Variants in WDR70 observed in about 807,000 individuals in gnomAD.
WDR70 encodes the protein WD repeat domain 70.
A neutral mutation model predicts 88.6 loss-of-function variants in WDR70; 53 were observed. The observed-to-expected ratio is 0.60, with a 90% CI of 0.48 to 0.75. The LOEUF (loss-of-function observed/expected upper bound fraction) is 0.75, where lower values mean the gene tolerates loss of function less well. WDR70 is among the 30% of genes least tolerant of loss of function. The pLI, the probability that WDR70 is intolerant of heterozygous loss-of-function variation, is 0.00. For synonymous variants in WDR70, 280 were observed against 270.0 expected, an observed-to-expected ratio of 1.04 and a Z score of -0.36; for missense variants, 610 against 823.2, an observed-to-expected ratio of 0.74 and a Z score of 3.17.
At position 37,708,379 on chromosome 5, in the gene WDR70, A is replaced by G. The variant is rs185929142; in HGVS notation, c.1416+5292A>G. 3.3e-4 allele frequency among the ~76,000 whole-genome samples: 50 copies of G among 152,002 alleles called. 1 individual carries two copies. The East Asian group carries it at 9.5e-3, about 29-fold the overall frequency. ...GTGCTAACATTTTCAAGTTGATTGA[A>G]AAGGCCTGGTGTGGTATAAATGTTA... On this transcript the variant is annotated intron_variant, in intron 13 of 17. Transcript: ENST00000265107.
At chr5:37,568,369 G>A (rs550137029) in intron 9 of WDR70, among the ~76,000 whole-genome samples, 23 of 152,246 alleles carry the variant, frequency 1.5e-4, no homozygotes, top group Admixed American at 3.9e-4. Flanking sequence ...TCTAACTTTG[G>A]TTTAGCCCCT....
At chr5:37,715,371 AG>A (rs1747625725) in intron 13 of WDR70, among the ~76,000 whole-genome samples, 2 of 150,564 alleles carry the variant, frequency 1.3e-5, no homozygotes, top group East Asian at 3.9e-4. Context: ...AGTTGCCACA[AG>A]TCTGGCCCAT....
intron 10 of WDR70, among the ~76,000 whole-genome samples, chr5:37,627,053 T>A (rs1324630692): frequency 6.6e-6 from 1 of 152,142 alleles, no homozygotes; most frequent in Non-Finnish European, 1.5e-5. Context: ...ATTTTGTTTA[T>A]CTTCTCAAAG....
intron 3 of WDR70, among the ~76,000 whole-genome samples, chr5:37,382,737 G>T (rs1411770596): frequency 6.6e-6 from 1 of 151,758 alleles, no homozygotes; most frequent in Non-Finnish European, 1.5e-5. Flanking sequence ...AATGGGCCAG[G>T]TGTAATGGCT....
intron 12 of WDR70, 124 bp downstream of exon 12, chr5:37,701,266 C>CA: frequency 1.6e-6 from 1 of 616,626 alleles, no homozygotes; most frequent in Non-Finnish European, 2.7e-6. Flanking sequence ...AGAGAGTGAT[C>CA]AAAATCTGTT....
intron 7 of WDR70, among the ~76,000 whole-genome samples, chr5:37,447,918 C>G (rs1738553976): frequency 6.6e-6 from 1 of 152,030 alleles, no homozygotes; most frequent in Non-Finnish European, 1.5e-5. Context: ...CACATGTACC[C>G]TAGAACTTAA....
At chr5:37,476,364 C>T (rs541110281) in intron 7 of WDR70, among the ~76,000 whole-genome samples, 30 of 152,218 alleles carry the variant, frequency 2.0e-4, no homozygotes, top group African/African-American at 6.7e-4. Context: ...GCTGTTTTCA[C>T]GTATAGTTGT....
rs148373993 is a variant in WDR70 at position 37,426,566 on chromosome 5, G to A, written c.493-11356G>A. On this transcript the variant is annotated intron_variant, in intron 5 of 17. Coordinates refer to ENST00000265107, the MANE Select transcript of WDR70 (RefSeq NM_018034.4). Reference sequence around the variant, plus strand: ...TTCACCACGGCCTTACTTACATAGCGGGTGCCTTGGTGGGACAGCTGGAAG... The same window carrying A: ...TTCACCACGGCCTTACTTACATAGCAGGTGCCTTGGTGGGACAGCTGGAAG... Among the ~76,000 whole-genome samples the A allele has an allele frequency of 1.0e-3, 157 of 152,244 alleles. 1 individual carries two copies. Among genetic ancestry groups the A allele is most frequent in the African/African-American group, 3.3e-3 (138 of 41,550 alleles).
intron 8 of WDR70, among the ~76,000 whole-genome samples, chr5:37,500,002 A>C (rs1740356699): frequency 6.6e-6 from 1 of 152,228 alleles, no homozygotes. Context: ...TACATGAATG[A>C]ATTGTACAGT....
At chr5:37,401,070 C>A (rs1428361023) in intron 5 of WDR70, among the ~76,000 whole-genome samples, 1 of 151,728 alleles carries the variant, frequency 6.6e-6, no homozygotes, top group Non-Finnish European at 1.5e-5. Context: ...GTAATCAAAG[C>A]TCACTACATC....
intron 7 of WDR70, among the ~76,000 whole-genome samples, chr5:37,474,092 AT>A (rs1298793652): frequency 6.6e-6 from 1 of 152,096 alleles, no homozygotes; most frequent in East Asian, 1.9e-4. Flanking sequence ...TGATCTAAGG[AT>A]TACTTATAGG....
At chr5:37,618,415 C>G (rs1157983626) in intron 10 of WDR70, among the ~76,000 whole-genome samples, 1 of 152,180 alleles carries the variant, frequency 6.6e-6, no homozygotes, top group Non-Finnish European at 1.5e-5. Context: ...GTTGCCCAGG[C>G]TGGAGTGCAG....
chr5:37,618,504 G>T (rs952296594), intron 10 of WDR70, among the ~76,000 whole-genome samples: 7 of 152,126 alleles, frequency 4.6e-5, no homozygotes, highest in Non-Finnish European at 8.8e-5. Context: ...AAGGAGCTGG[G>T]ATTACCAGGT....
chr5:37,513,212 A>G (rs1033639066), intron 8 of WDR70, among the ~76,000 whole-genome samples: 1 of 152,232 alleles, frequency 6.6e-6, no homozygotes, highest in African/African-American at 2.4e-5. Flanking sequence ...AAGGAAATGC[A>G]CAGGTACTAA....
rs534992611 is a variant in WDR70, at chr5:37,480,113, T to A, written c.840+126T>A. 1.3e-5 allele frequency: 16 copies of A among 1,209,100 alleles called. No individual in the cohort carries two copies. In the African/African-American group the frequency reaches 2.0e-4, roughly 15 times the overall value. 74.9% of individuals were successfully genotyped at this position (1,209,100 alleles called of 1,614,324 possible). A position where few individuals can be genotyped will look rare whatever the true frequency, so the allele number is the denominator to read the frequency against. ...TAAAACAATAGCAATTTATTTGTTC[T>A]CACAATCATGTGGATTGATTGGGTG... On this transcript the variant is annotated intron_variant, in intron 8 of 17. Coordinates refer to ENST00000265107, the MANE Select transcript of WDR70 (RefSeq NM_018034.4).
chr5:37,405,051 G>A (rs1749311427), intron 5 of WDR70, among the ~76,000 whole-genome samples: 1 of 152,106 alleles, frequency 6.6e-6, no homozygotes, highest in South Asian at 2.1e-4. Context: ...TGATGAAAGA[G>A]TTCCAAGTCT....
intron 5 of WDR70, among the ~76,000 whole-genome samples, chr5:37,424,487 C>T (rs553558009): frequency 6.6e-6 from 1 of 151,660 alleles, no homozygotes; most frequent in East Asian, 1.9e-4. Flanking sequence ...TCACTGTAGC[C>T]TTAAGCTTCC....
intron 7 of WDR70, among the ~76,000 whole-genome samples, chr5:37,471,573 GT>G (rs1561864888): frequency 6.6e-6 from 1 of 151,558 alleles, no homozygotes; most frequent in African/African-American, 2.4e-5. Context: ...TTTTGTCACT[GT>G]TTGTGATGTC....
intron 9 of WDR70, among the ~76,000 whole-genome samples, chr5:37,532,285 T>A (rs1386264541): frequency 6.6e-6 from 1 of 152,214 alleles, no homozygotes; most frequent in Non-Finnish European, 1.5e-5. Context: ...TTTGAGCTTC[T>A]TGTATTTGGA....
Sources: gnomAD v4.1 joint callset for allele counts (sites outside exome capture counted in the v4.1 genomes callset) on GRCh38, gnomAD v4.1.1 for gene constraint, MANE v1.5 for transcripts, NCBI Gene and HGNC (gene_info 2026-07-23, HGNC 2026-07-21) for gene names.